ERBB4: variants seen among roughly 807,000 people sequenced by gnomAD.
The protein encoded by ERBB4 is receptor tyrosine-protein kinase erbB-4.
Under a neutral mutation model 158.0 loss-of-function variants are expected in ERBB4, and 42 were observed. The observed-to-expected ratio is 0.27, with a 90% CI of 0.21 to 0.34. The LOEUF (loss-of-function observed/expected upper bound fraction) is 0.34. ERBB4 is among the 10% of genes least tolerant of loss of function. ERBB4 has a pLI of 1.00. For missense variants in ERBB4, 1,333 were observed against 1,624.1 expected (o/e 0.82, Z 3.08); for synonymous variants, 583 against 558.7 (o/e 1.04, Z -0.61).
At chr2:211,989,664 G>A (rs2082023324) in intron 2 of ERBB4, among the ~76,000 whole-genome samples, 1 of 151,860 alleles carries the variant, frequency 6.6e-6, no homozygotes, top group Non-Finnish European at 1.5e-5. Flanking sequence ...TCACCCAGTA[G>A]GTGATTTGCT....
intron 2 of ERBB4, among the ~76,000 whole-genome samples, chr2:212,106,788 C>T (rs2079242040): frequency 6.6e-6 from 1 of 152,198 alleles, no homozygotes; most frequent in African/African-American, 2.4e-5. Flanking sequence ...CCCTGTGCCC[C>T]AGGTGATCCA....
At chr2:212,518,835 T>C (rs564677471) in intron 1 of ERBB4, among the ~76,000 whole-genome samples, 1 of 152,066 alleles carries the variant, frequency 6.6e-6, no homozygotes, top group African/African-American at 2.4e-5. Context: ...AAACAGTGAT[T>C]CCAGGGAGAA....
At chr2:211,936,711 C>A (rs2080332813) in intron 3 of ERBB4, among the ~76,000 whole-genome samples, 1 of 152,074 alleles carries the variant, frequency 6.6e-6, no homozygotes, top group South Asian at 2.1e-4. Context: ...GAAAAACTCC[C>A]AAAATAAGTA....
chr2:212,255,858 T>C (rs1028475075), intron 1 of ERBB4, among the ~76,000 whole-genome samples: 4 of 152,140 alleles, frequency 2.6e-5, no homozygotes, highest in African/African-American at 2.4e-5. Context: ...TCTCCCTCTG[T>C]TGCCCAAGGT....
Position 212,139,312 on chromosome 2 carries a change from C to T in ERBB4, c.83-14409G>A, listed in dbSNP as rs560556473. 5.3e-5 allele frequency among the ~76,000 whole-genome samples: 8 copies of T among 152,108 alleles called. No individual in the cohort carries two copies. The South Asian group carries it at 1.7e-3, about 32-fold the overall frequency. On this transcript the variant is annotated intron_variant, in intron 1 of 27. Transcript: ENST00000342788. ...CAACACACACACACACGCACATGTG[C>T]ACATACACATACATAGGGATACAAT... is the stretch of plus-strand genomic sequence containing the variant.
At chr2:212,100,946 T>C (rs906496667) in intron 2 of ERBB4, among the ~76,000 whole-genome samples, 1 of 152,120 alleles carries the variant, frequency 6.6e-6, no homozygotes, top group Non-Finnish European at 1.5e-5. Context: ...AGTAGATAAA[T>C]GTGTATTGCT....
At chr2:212,051,619 T>C (rs2077401841) in intron 2 of ERBB4, among the ~76,000 whole-genome samples, 1 of 152,188 alleles carries the variant, frequency 6.6e-6, no homozygotes, top group Admixed American at 6.5e-5. Context: ...AGGGTTTTGG[T>C]AAGTTATCAC....
intron 1 of ERBB4, among the ~76,000 whole-genome samples, chr2:212,200,578 C>A (rs2082561131): frequency 1.3e-5 from 2 of 152,116 alleles, no homozygotes; most frequent in Non-Finnish European, 1.5e-5. Flanking sequence ...GCTTGGAACA[C>A]TGTATGGCTG....
At chr2:211,846,715 T>C (rs2077598104) in intron 3 of ERBB4, among the ~76,000 whole-genome samples, 1 of 152,114 alleles carries the variant, frequency 6.6e-6, no homozygotes, top group South Asian at 2.1e-4. Context: ...GAGTAAAAAA[T>C]GTCAACAATT....
At chr2:211,602,356 G>A (rs982439481) in intron 19 of ERBB4, among the ~76,000 whole-genome samples, 5 of 151,928 alleles carry the variant, frequency 3.3e-5, no homozygotes, top group Non-Finnish European at 5.9e-5. Flanking sequence ...ACTCAGTGGC[G>A]TACTTTGCTT....
At chr2:211,948,903 A>G (rs1032314236) in intron 2 of ERBB4, among the ~76,000 whole-genome samples, 1 of 152,028 alleles carries the variant, frequency 6.6e-6, no homozygotes, top group African/African-American at 2.4e-5. Context: ...TTTACTCAAC[A>G]TCCTTACTTG....
chr2:212,401,028 C>T (rs2091189073), intron 1 of ERBB4, among the ~76,000 whole-genome samples: 1 of 152,132 alleles, frequency 6.6e-6, no homozygotes, highest in Non-Finnish European at 1.5e-5. Context: ...CATAACGATA[C>T]AGCACTTAAT....
intron 20 of ERBB4, among the ~76,000 whole-genome samples, chr2:211,551,195 T>C (rs2125701858): frequency 6.6e-6 from 1 of 152,318 alleles, no homozygotes; most frequent in Non-Finnish European, 1.5e-5. Flanking sequence ...ACTGAAGCTA[T>C]TTACTGTGAA....
chr2:212,157,165 T>A (rs2081060463), intron 1 of ERBB4, among the ~76,000 whole-genome samples: 3 of 152,034 alleles, frequency 2.0e-5, no homozygotes, highest in Admixed American at 2.0e-4. Context: ...CCCCTCACAC[T>A]ACAGACTTCA....
At chr2:211,695,737 T>C (rs1280456324) in intron 12 of ERBB4, among the ~76,000 whole-genome samples, 1 of 152,266 alleles carries the variant, frequency 6.6e-6, no homozygotes, top group South Asian at 2.1e-4. Context: ...ATTTTTCTTC[T>C]GCGTAAAAAA....
At chr2:211,406,339 G>C (rs1450048936) in intron 25 of ERBB4, among the ~76,000 whole-genome samples, 2 of 152,104 alleles carry the variant, frequency 1.3e-5, no homozygotes, top group South Asian at 4.1e-4. Flanking sequence ...ATCAATTATT[G>C]AATGAATAAA....
In ERBB4 at chr2:211,702,016, T is replaced by G. The variant is rs2073272520; in HGVS notation, c.1440A>C (p.Thr480=). The G allele has an allele frequency of 1.2e-6, 2 of 1,613,996 alleles. No homozygotes were observed. The highest frequency in any genetic ancestry group is 1.7e-6 in the Non-Finnish European group (2 of 1,179,992). Residue 480 remains threonine (T), a synonymous_variant, in exon 12 of 28, where the codon ACA becomes ACC. Transcript: ENST00000342788. The part of the protein sequence containing the change: ...HTINWTTLFS[T]INQRIVIRDN... ...CCCGGATTACTATTCTCTGGTTGAT[T>G]GTGCTGAAGAGTGTTGTCCAGTTAA...
intron 4 of ERBB4, among the ~76,000 whole-genome samples, chr2:211,776,767 T>A (rs2075886476): frequency 6.6e-6 from 1 of 152,178 alleles, no homozygotes; most frequent in Non-Finnish European, 1.5e-5. Context: ...ATAATTTGAA[T>A]ATGGTTGATT....
chr2:212,070,337 A>T (rs1420848075), intron 2 of ERBB4, among the ~76,000 whole-genome samples: 1 of 152,056 alleles, frequency 6.6e-6, no homozygotes. Context: ...TTCTAGCAGA[A>T]ATTGACAAGC....
Sources: gnomAD v4.1 joint callset for allele counts (sites outside exome capture counted in the v4.1 genomes callset) on GRCh38, gnomAD v4.1.1 for gene constraint, MANE v1.5 for transcripts, NCBI Gene and HGNC (gene_info 2026-07-23, HGNC 2026-07-21) for gene names.